Variants in HEG1 observed in about 807,000 individuals in gnomAD.
HEG1 encodes heart development protein with EGF like domains 1.
Under a neutral mutation model 125.6 loss-of-function variants are expected in HEG1, and 56 were observed. The observed-to-expected ratio is 0.45, with a 90% CI of 0.36 to 0.56. HEG1 has a LOEUF of 0.56. Among genes scored for constraint, HEG1 ranks in the 20% least tolerant of loss-of-function variants. The pLI, the probability that HEG1 is intolerant of heterozygous loss-of-function variation, is 0.00. For synonymous variants in HEG1, 644 were observed against 668.5 expected (o/e 0.96, Z 0.57); for missense variants, 1,523 against 1,670.0 (o/e 0.91, Z 1.53).
chr3:125,046,722 T>C (rs1185032401), intron 1 of HEG1, among the ~76,000 whole-genome samples: 1 of 152,202 alleles, frequency 6.6e-6, no homozygotes, highest in African/African-American at 2.4e-5. Flanking sequence ...TAGATAGAGA[T>C]CCGCAACCCC....
chr3:125,027,558 C>T, intron 2 of HEG1, 51 bp from the exon 3 acceptor site: 2 of 1,463,544 alleles, frequency 1.4e-6, no homozygotes, highest in Admixed American at 2.1e-5. Flanking sequence ...TTCAAAATGT[C>T]TTAATATGCT....
intron 14 of HEG1, among the ~76,000 whole-genome samples, chr3:124,979,020 G>A (rs531733088): frequency 9.3e-5 from 14 of 151,132 alleles, no homozygotes; most frequent in African/African-American, 3.2e-4. Flanking sequence ...GTGCGATCCC[G>A]GCTCACTGAA....
chr3:124,985,009 T>G (rs1936715715), intron 14 of HEG1, among the ~76,000 whole-genome samples: 1 of 152,202 alleles, frequency 6.6e-6, no homozygotes, highest in African/African-American at 2.4e-5. Context: ...TACAGAACAG[T>G]ATGTTCAGTG....
At chr3:125,001,620 A>G (rs147546949) in intron 11 of HEG1, among the ~76,000 whole-genome samples, 90 of 152,348 alleles carry the variant, frequency 5.9e-4, no homozygotes, top group African/African-American at 2.2e-3. Flanking sequence ...GCCAAGGACC[A>G]GGTGTCTTCA....
intron 8 of HEG1, among the ~76,000 whole-genome samples, chr3:125,009,313 G>C (rs1287570722): frequency 6.6e-6 from 1 of 150,896 alleles, no homozygotes; most frequent in Non-Finnish European, 1.5e-5. Flanking sequence ...TATGTGGTCA[G>C]AATAATCCTT....
At chr3:124,997,543 G>A (rs1461346537) in intron 12 of HEG1, 146 bp downstream of exon 12, 4 of 655,238 alleles carry the variant, frequency 6.1e-6, no homozygotes, top group Non-Finnish European at 2.3e-6. Context: ...ATTCAATCCT[G>A]CCACGAGCAA....
chr3:125,013,205 C>T lies in HEG1; in HGVS notation c.2374G>A (p.Glu792Lys), dbSNP rs770754299. ...GACACCAGGCTTGGTGACTTTGATT[C>T]TGTAATGACTTTCTCTTGGTGTGGG... ...STPHQEKVIT[E>K]SKSPSLVSLP... Residue 792 changes from glutamate to lysine, a missense_variant, in exon 6 of 17, where the codon GAA becomes AAA. Coordinates refer to ENST00000311127, the MANE Select transcript of HEG1 (RefSeq NM_020733.2). 1 of 1,613,856 alleles carries T rather than the reference C, an allele frequency of 6.2e-7. No individual in the cohort carries two copies. Among genetic ancestry groups the T allele is most frequent in the African/African-American group, 1.3e-5 (1 of 74,902 alleles).
chr3:124,978,281 G>A (rs1053590130), intron 14 of HEG1, among the ~76,000 whole-genome samples: 5 of 152,178 alleles, frequency 3.3e-5, no homozygotes, highest in African/African-American at 4.8e-5. Flanking sequence ...CCAAGTAGCT[G>A]GGACTACAGG....
intron 5 of HEG1, among the ~76,000 whole-genome samples, chr3:125,017,802 T>C (rs1295640326): frequency 6.6e-6 from 1 of 151,170 alleles, no homozygotes; most frequent in Admixed American, 6.6e-5. Context: ...AGGCGGATCA[T>C]GAGGTCAGGA....
At chr3:124,980,679 G>A (rs1936632821) in intron 14 of HEG1, among the ~76,000 whole-genome samples, 1 of 152,028 alleles carries the variant, frequency 6.6e-6, no homozygotes, top group South Asian at 2.1e-4. Context: ...ACCATGCCCA[G>A]CTAATTTTTT....
intron 1 of HEG1, among the ~76,000 whole-genome samples, chr3:125,050,424 G>T (rs544159455): frequency 6.6e-6 from 1 of 152,130 alleles, no homozygotes; most frequent in African/African-American, 2.4e-5. Flanking sequence ...GATTACAGGC[G>T]TGAGCCATCA....
chr3:124,995,497 C>T (rs1262995299), intron 12 of HEG1, among the ~76,000 whole-genome samples: 6 of 152,192 alleles, frequency 3.9e-5, no homozygotes, highest in Non-Finnish European at 8.8e-5. Flanking sequence ...TAGAGACTTG[C>T]TAATGTATAG....
At chr3:125,021,232 T>C in intron 3 of HEG1, 102 bp from the exon 4 acceptor site, 1 of 841,916 alleles carries the variant, frequency 1.2e-6, no homozygotes, top group Non-Finnish European at 1.8e-6. Context: ...GGTGGATACA[T>C]CTAAATACCA....
rs1435876548 is a variant in HEG1, at chr3:125,005,346, A to G, written c.3216T>C (p.Phe1072=). 3.2e-6 allele frequency: 5 copies of G among 1,579,002 alleles called. No homozygotes were observed. Among genetic ancestry groups the G allele is most frequent in the Non-Finnish European group, 3.4e-6 (4 of 1,159,688 alleles). The change falls in exon 9 of 17, where the codon TTT becomes TTC. Residue 1072 remains phenylalanine, a synonymous_variant. Transcript: ENST00000311127. The stretch of plus-strand genomic sequence containing the variant: ...TATTAAGAAAAGTTCTCTTTAATTT[A>G]AACTCTGTCACGAAGGTTCTAACTG... ...CNLVRTFVTE[F]KLKRTFLNTT... is the part of the protein sequence containing the mutation.
chr3:124,977,939 C>G lies in HEG1; in HGVS notation c.3741G>C (p.Gln1247His). 1 of 1,572,046 alleles carries G rather than the reference C, an allele frequency of 6.4e-7. No homozygotes were observed. Among genetic ancestry groups the G allele is most frequent in the Non-Finnish European group, 8.6e-7 (1 of 1,158,940 alleles). The change falls in exon 15 of 17, where the codon CAG (glutamine) becomes CAC (histidine). Residue 1247 changes from glutamine to histidine, a missense_variant. Physicochemically the swap from Gln to His is conservative, Grantham distance 24. Transcript: ENST00000311127. The stretch of plus-strand genomic sequence containing the variant: ...CGGCTGCGATCACCACAGTGATAAG[C>G]TGATAGGCTAAACGTAAAACAAACA... ...LGGLNCGNPY[Q>H]LITVVIAAAG...
intron 1 of HEG1, among the ~76,000 whole-genome samples, chr3:125,047,859 C>T (rs1177759988): frequency 6.6e-6 from 1 of 152,190 alleles, no homozygotes; most frequent in East Asian, 1.9e-4. Flanking sequence ...GGTGGAACTG[C>T]AGGGCCACCT....
chr3:124,981,671 A>G (rs1936656156), intron 14 of HEG1, among the ~76,000 whole-genome samples: 1 of 152,126 alleles, frequency 6.6e-6, no homozygotes, highest in South Asian at 2.1e-4. Context: ...TACACAGGAG[A>G]GGAAAGAGCA....
In HEG1 at chr3:125,013,125, G is replaced by A. The variant is rs1189092182; in HGVS notation, c.2454C>T (p.Ser818=). ...TTTGCTCTGTGGAGGACTCTGTTAA[G>A]GATGGAGGCAAAGGAGAGTTTGTTG... ...AVTTNSPLPP[S]LTESSTEQTL... is the part of the protein sequence containing the mutation. The change falls in exon 6 of 17, where the codon TCC becomes TCT. Residue 818 remains serine (S), a synonymous_variant. Coordinates refer to ENST00000311127, the MANE Select transcript of HEG1 (RefSeq NM_020733.2). The A allele has an allele frequency of 3.1e-6, 5 of 1,614,034 alleles. No homozygotes were observed. Among genetic ancestry groups the A allele is most frequent in the Non-Finnish European group, 4.2e-6 (5 of 1,179,892 alleles).
chr3:125,020,765 TA>T (rs1560028162), intron 4 of HEG1, 26 bp downstream of exon 4: 1 of 1,573,378 alleles, frequency 6.4e-7, no homozygotes, highest in Non-Finnish European at 8.7e-7. Context: ...ATGTCCCTAA[TA>T]GATCAAGTAA....
Sources: allele counts gnomAD v4.1 joint callset (sites outside exome capture counted in the v4.1 genomes callset), GRCh38; gene constraint gnomAD v4.1.1; transcripts MANE v1.5; gene names NCBI Gene and HGNC (gene_info 2026-07-23, HGNC 2026-07-21).